The following POLR3G variants were observed in gnomAD, a reference collection of about 807,000 sequenced individuals.
POLR3G encodes DNA-directed RNA polymerase III subunit RPC7.
A neutral mutation model predicts 30.1 loss-of-function variants in POLR3G; 28 were observed. That is an observed-to-expected ratio of 0.93 (90% CI 0.69 to 1.27). The LOEUF (loss-of-function observed/expected upper bound fraction) is 1.27, where lower values mean the gene tolerates loss of function less well. Ranked by LOEUF, POLR3G falls within the 50% of genes most tolerant of loss-of-function variation. The pLI, the probability that POLR3G is intolerant of heterozygous loss-of-function variation, is 0.00. For missense variants in POLR3G, 254 were observed against 264.6 expected (o/e 0.96, Z 0.28); for synonymous variants, 79 against 82.5 (o/e 0.96, Z 0.23).
Position 90,482,029 on chromosome 5 carries a change from A to G in POLR3G, c.-43-3496A>G, listed in dbSNP as rs1283702393. Among the ~76,000 whole-genome samples the G allele has an allele frequency of 3.9e-5, 6 of 152,320 alleles. No homozygotes were observed. The South Asian group carries it at 1.2e-3, about 32-fold the overall frequency. ...TGACTTTTGTGCATGTAAGTATAGT[A>G]AATGTAAGTATTAGTAAACCAAAAA... is the stretch of plus-strand genomic sequence containing the variant. On this transcript the variant is annotated intron_variant, in intron 1 of 7. Transcript: ENST00000651687.
At chr5:90,487,275 TA>T (rs1751486201) in intron 2 of POLR3G, among the ~76,000 whole-genome samples, 1 of 151,884 alleles carries the variant, frequency 6.6e-6, no homozygotes, top group South Asian at 2.1e-4. Flanking sequence ...TTTATTTATT[TA>T]TTTTTTTCCA....
Position 90,512,538 on chromosome 5 carries a change from C to G in POLR3G, c.*399C>G, listed in dbSNP as rs1752789036. 1 of 161,846 alleles carries G rather than the reference C, an allele frequency of 6.2e-6. No individual in the cohort carries two copies. Among genetic ancestry groups the G allele is most frequent in the African/African-American group, 2.4e-5 (1 of 41,648 alleles). 10.0% of individuals were successfully genotyped at this position (161,846 alleles called of 1,614,324 possible). The stretch of plus-strand genomic sequence containing the variant: ...CTATAACCTGAAAGTTGATATAATA[C>G]AGCACGTGGAGCACTTTAAAAACAA... On this transcript the variant is annotated 3_prime_UTR_variant, in exon 8 of 8. Coordinates refer to ENST00000651687, the MANE Select transcript of POLR3G (RefSeq NM_006467.3).
chr5:90,491,530 C>T (rs953078036), intron 3 of POLR3G, among the ~76,000 whole-genome samples: 2 of 150,068 alleles, frequency 1.3e-5, no homozygotes, highest in South Asian at 2.1e-4. Flanking sequence ...AAATTTTTGA[C>T]GTTTTTTTTT....
At position 90,512,254 on chromosome 5, in the gene POLR3G, A is replaced by G; in HGVS notation, c.*115A>G. The G allele has an allele frequency of 2.9e-6, 2 of 688,044 alleles. No homozygotes were observed. The highest frequency in any genetic ancestry group is 2.0e-5 in the South Asian group (1 of 50,706). The allele number at this position is 688,044 out of a possible 1,614,324, so 42.6% of individuals were successfully genotyped here. On this transcript the variant is annotated 3_prime_UTR_variant, in exon 8 of 8. Transcript: ENST00000651687. Reference sequence around the variant, plus strand: ...GTACTTGTTTCTGTTGTTTTGGACAAATAGTTGTTACCAAAATATTCAAAA... The same window carrying G: ...GTACTTGTTTCTGTTGTTTTGGACAGATAGTTGTTACCAAAATATTCAAAA...
chr5:90,476,466 G>C (rs1750824865), intron 1 of POLR3G, among the ~76,000 whole-genome samples: 1 of 152,188 alleles, frequency 6.6e-6, no homozygotes, highest in African/African-American at 2.4e-5. Context: ...GAAGGGATTC[G>C]TGAGGAGTGG....
chr5:90,483,780 G>C lies in POLR3G; in HGVS notation c.-43-1745G>C, dbSNP rs562202533. 6.6e-5 allele frequency among the ~76,000 whole-genome samples: 10 copies of C among 152,244 alleles called. 1 individual carries two copies. The South Asian group carries it at 2.1e-3, about 32-fold the overall frequency. On this transcript the variant is annotated intron_variant, in intron 1 of 7. Transcript: ENST00000651687. ...AATAAAATATTTAAAAAATTAAATT[G>C]GCTGTCTAAAAGTGCAATGCCTTGT... is the stretch of plus-strand genomic sequence containing the variant.
At chr5:90,510,939 A>G (rs184932173) in intron 7 of POLR3G, among the ~76,000 whole-genome samples, 1 of 152,056 alleles carries the variant, frequency 6.6e-6, no homozygotes, top group Admixed American at 6.6e-5. Flanking sequence ...AGTAGTCTGT[A>G]TTTCTTACTA....
chr5:90,483,671 C>T (rs1036728109), intron 1 of POLR3G, among the ~76,000 whole-genome samples: 10 of 151,758 alleles, frequency 6.6e-5, no homozygotes, highest in African/African-American at 4.8e-5. Context: ...TGGTGGTGCG[C>T]GCCTATAATC....
intron 1 of POLR3G, among the ~76,000 whole-genome samples, chr5:90,478,730 A>G (rs1462891145): frequency 2.0e-5 from 3 of 151,438 alleles, no homozygotes; most frequent in Non-Finnish European, 2.9e-5. Context: ...CTAAGCCTGT[A>G]GTCCCAGCAC....
At chr5:90,480,206 T>C (rs1751054676) in intron 1 of POLR3G, among the ~76,000 whole-genome samples, 1 of 152,156 alleles carries the variant, frequency 6.6e-6, no homozygotes, top group Non-Finnish European at 1.5e-5. Flanking sequence ...TAGAGTTTGG[T>C]GTATTGAAAA....
chr5:90,495,814 TC>T, intron 4 of POLR3G, 81 bp downstream of exon 4: 1 of 1,478,208 alleles, frequency 6.8e-7, no homozygotes, highest in East Asian at 2.5e-5. Context: ...GAATAAGTTT[TC>T]TATTTTTACC....
chr5:90,493,643 G>C (rs949870044), intron 3 of POLR3G, among the ~76,000 whole-genome samples: 1 of 134,870 alleles, frequency 7.4e-6, no homozygotes, highest in Non-Finnish European at 1.6e-5. Flanking sequence ...TTTTAATATA[G>C]CCACAGAGTT....
intron 1 of POLR3G, among the ~76,000 whole-genome samples, chr5:90,475,855 G>A (rs1190929924): frequency 6.6e-6 from 1 of 152,144 alleles, no homozygotes; most frequent in Non-Finnish European, 1.5e-5. Context: ...GAGGTTACAG[G>A]CGCCTGCCAC....
chr5:90,506,150 A>C (rs555707477), intron 6 of POLR3G, among the ~76,000 whole-genome samples: 55 of 152,150 alleles, frequency 3.6e-4, no homozygotes, highest in Middle Eastern at 3.4e-3. Flanking sequence ...AATCACTTGA[A>C]CCCAGGAGAA....
intron 5 of POLR3G, among the ~76,000 whole-genome samples, chr5:90,498,339 G>T (rs1403504685): frequency 6.6e-6 from 1 of 151,852 alleles, no homozygotes; most frequent in Non-Finnish European, 1.5e-5. Context: ...AGGGGTACAT[G>T]TGCAGGTTTG....
chr5:90,487,535 G>A (rs1303720069), intron 2 of POLR3G, among the ~76,000 whole-genome samples: 1 of 151,550 alleles, frequency 6.6e-6, no homozygotes, highest in Non-Finnish European at 1.5e-5. Context: ...GGGAATACAG[G>A]TGCCCGCCAC....
intron 6 of POLR3G, 39 bp downstream of exon 6, chr5:90,502,027 A>T (rs1443838456): frequency 6.3e-7 from 1 of 1,594,558 alleles, no homozygotes. Flanking sequence ...AACTGAAAAA[A>T]TGTAAAAGAT....
At chr5:90,485,501 C>T (rs575325923) in intron 1 of POLR3G, 24 bp from the exon 2 acceptor site, 10 of 1,071,724 alleles carry the variant, frequency 9.3e-6, no homozygotes, top group Non-Finnish European at 1.4e-5. Flanking sequence ...TATATGTGAT[C>T]CAGTAAATCG....
chr5:90,474,311 C>T (rs760423101), upstream of POLR3G: 1 of 1,608,642 alleles, frequency 6.2e-7, no homozygotes, highest in Non-Finnish European at 8.5e-7. Flanking sequence ...GGGGTGCAGC[C>T]AGGCGGGGTG....
Sources: allele counts gnomAD v4.1 joint callset (sites outside exome capture counted in the v4.1 genomes callset), GRCh38; gene constraint gnomAD v4.1.1; transcripts MANE v1.5; gene names NCBI Gene and HGNC (gene_info 2026-07-23, HGNC 2026-07-21).